Variants in VWC2L observed in about 807,000 individuals in gnomAD.
VWC2L encodes von Willebrand factor C domain containing 2 like.
Under a neutral mutation model 21.6 loss-of-function variants are expected in VWC2L, and 10 were observed. The observed-to-expected ratio is 0.46, with a 90% CI of 0.29 to 0.78. The LOEUF is 0.78. VWC2L is among the 30% of genes least tolerant of loss of function. The probability of loss-of-function intolerance (pLI) is 0.10; values close to 1 mark genes in which losing one functional copy is unlikely to be tolerated. For missense variants in VWC2L, 209 were observed against 277.1 expected (o/e 0.75, Z 1.74); for synonymous variants, 96 against 94.3 (o/e 1.02, Z -0.10).
At chr2:214,451,308 T>TG (rs59919240) in intron 3 of VWC2L, among the ~76,000 whole-genome samples, 25,631 of 109,396 alleles carry the variant, frequency 0.23, 2,996 homozygotes, top group Non-Finnish European at 0.27. Flanking sequence ...TGGGTCGGTG[T>TG]GGGGGGGGGG....
chr2:214,473,814 T>C (rs1703344455), intron 3 of VWC2L: 1 of 151,204 alleles, frequency 6.6e-6, no homozygotes. Flanking sequence ...ACATGTGTAA[T>C]AAAAATGTTT....
intron 3 of VWC2L, among the ~76,000 whole-genome samples, chr2:214,502,457 C>A (rs547921119): frequency 6.6e-6 from 1 of 152,080 alleles, no homozygotes; most frequent in Non-Finnish European, 1.5e-5. Context: ...GTAGCCCCTG[C>A]TACTTGGGAG....
In VWC2L at chr2:214,563,546, CAAAAAAAAAAAAAAA is replaced by C. The variant is rs55864016; in HGVS notation, c.521-12105_521-12091del. On this transcript the variant is annotated intron_variant, in intron 3 of 3. Coordinates refer to ENST00000312504, the MANE Select transcript of VWC2L (RefSeq NM_001080500.4). ...TGGGTGACACAGCAAGACTCCGTCT[CAAAAAAAAAAAAAAA>C]AAAAAAAAAAAAAAAAAAAATCAAG... 1.1e-3 allele frequency among the ~76,000 whole-genome samples: 108 copies of C among 95,864 alleles called. 1 individual carries two copies. The highest frequency in any genetic ancestry group is 1.8e-3 in the Non-Finnish European group (86 of 48,196). The allele number at this position is 95,864 out of a possible 152,430, so 62.9% of individuals were successfully genotyped here.
chr2:214,521,652 G>T (rs1032581856), intron 3 of VWC2L, among the ~76,000 whole-genome samples: 3 of 152,210 alleles, frequency 2.0e-5, no homozygotes, highest in Admixed American at 1.3e-4. Flanking sequence ...TAAATGTGAG[G>T]TTCTCTGGAC....
intron 3 of VWC2L, among the ~76,000 whole-genome samples, chr2:214,451,315 G>C (rs201490612): frequency 6.7e-5 from 10 of 148,316 alleles, no homozygotes; most frequent in East Asian, 4.0e-4. Flanking sequence ...GTGTGGGGGG[G>C]GGGGGCAGTA....
intron 3 of VWC2L, among the ~76,000 whole-genome samples, chr2:214,558,657 A>C (rs971949631): frequency 2.0e-5 from 3 of 152,246 alleles, no homozygotes; most frequent in Non-Finnish European, 2.9e-5. Flanking sequence ...TAGTGTAAAA[A>C]TTGATTCAAT....
chr2:214,425,945 G>A (rs992418414), intron 2 of VWC2L, among the ~76,000 whole-genome samples: 4 of 152,022 alleles, frequency 2.6e-5, no homozygotes, highest in African/African-American at 9.7e-5. Context: ...GCTGAGGCGG[G>A]CAGATCACCT....
chr2:214,499,150 C>G (rs1234624813), intron 3 of VWC2L, among the ~76,000 whole-genome samples: 1 of 150,462 alleles, frequency 6.6e-6, no homozygotes, highest in Non-Finnish European at 1.5e-5. Context: ...TCCTGAGTAG[C>G]TGGGATTACA....
At chr2:214,488,608 A>G (rs1688705147) in intron 3 of VWC2L, among the ~76,000 whole-genome samples, 1 of 152,162 alleles carries the variant, frequency 6.6e-6, no homozygotes, top group South Asian at 2.1e-4. Flanking sequence ...AAAAAACAAA[A>G]CAAAACAAAA....
chr2:214,542,344 C>T (rs1443122825), intron 3 of VWC2L, among the ~76,000 whole-genome samples: 1 of 152,222 alleles, frequency 6.6e-6, no homozygotes, highest in Non-Finnish European at 1.5e-5. Flanking sequence ...GCTGTTGTGC[C>T]TGTCTGGGGA....
intron 3 of VWC2L, among the ~76,000 whole-genome samples, chr2:214,438,420 A>G (rs903342092): frequency 7.2e-5 from 11 of 151,912 alleles, no homozygotes; most frequent in Admixed American, 3.3e-4. Flanking sequence ...CCCTGGAAGC[A>G]ACTGTCTAAA....
intron 3 of VWC2L, among the ~76,000 whole-genome samples, chr2:214,475,109 T>G (rs1239749244): frequency 6.6e-6 from 1 of 152,178 alleles, no homozygotes; most frequent in African/African-American, 2.4e-5. Context: ...CCAGAGCCCT[T>G]CTTTTGAAAG....
chr2:214,428,559 C>A (rs1702557660), intron 2 of VWC2L, among the ~76,000 whole-genome samples: 1 of 152,032 alleles, frequency 6.6e-6, no homozygotes, highest in South Asian at 2.1e-4. Context: ...CATGTTACTG[C>A]CCATAAGCCA....
chr2:214,503,710 AAAAGTG>A (rs1688927267), intron 3 of VWC2L, among the ~76,000 whole-genome samples: 1 of 148,432 alleles, frequency 6.7e-6, no homozygotes, highest in South Asian at 2.3e-4. Context: ...ATAAAACTAA[AAAAGTG>A]AAACCAGAAA....
intron 3 of VWC2L, among the ~76,000 whole-genome samples, chr2:214,504,914 C>A (rs1482798293): frequency 6.6e-6 from 1 of 152,158 alleles, no homozygotes; most frequent in East Asian, 1.9e-4. Flanking sequence ...GAATTTCCAG[C>A]ACATCATTTA....
At chr2:214,465,331 G>C (rs1437139420) in intron 3 of VWC2L, among the ~76,000 whole-genome samples, 1 of 152,150 alleles carries the variant, frequency 6.6e-6, no homozygotes, top group Non-Finnish European at 1.5e-5. Flanking sequence ...AAGGCCAAGG[G>C]CTCTTTGGTC....
chr2:214,449,344 G>A (rs1702919029), intron 3 of VWC2L, among the ~76,000 whole-genome samples: 1 of 152,166 alleles, frequency 6.6e-6, no homozygotes, highest in Admixed American at 6.6e-5. Flanking sequence ...AAAGCCATGA[G>A]CATTGATGAA....
intron 3 of VWC2L, among the ~76,000 whole-genome samples, chr2:214,538,419 T>G (rs1212680821): frequency 6.6e-6 from 1 of 152,040 alleles, no homozygotes. Context: ...TGTCTCTGAT[T>G]CAATCCATTC....
At chr2:214,449,749 G>A (rs1702925938) in intron 3 of VWC2L, among the ~76,000 whole-genome samples, 1 of 152,140 alleles carries the variant, frequency 6.6e-6, no homozygotes, top group Admixed American at 6.6e-5. Flanking sequence ...GGGGAAATAG[G>A]AAGTTCCTGC....
Sources: gnomAD v4.1 joint callset for allele counts (sites outside exome capture counted in the v4.1 genomes callset) on GRCh38, gnomAD v4.1.1 for gene constraint, MANE v1.5 for transcripts, NCBI Gene and HGNC (gene_info 2026-07-23, HGNC 2026-07-21) for gene names.